DDAH1: variants seen among roughly 807,000 people sequenced by gnomAD.
DDAH1 encodes the protein dimethylarginine dimethylaminohydrolase 1.
Under a neutral mutation model 28.8 loss-of-function variants are expected in DDAH1, and 19 were observed. The ratio of observed to expected loss-of-function variants is 0.66; its 90% confidence interval spans 0.46 to 0.97. The LOEUF (loss-of-function observed/expected upper bound fraction) is 0.97. DDAH1 is among the 50% of genes least tolerant of loss of function. The pLI, the probability that DDAH1 is intolerant of heterozygous loss-of-function variation, is 0.00. For synonymous variants in DDAH1, 153 were observed against 154.4 expected (o/e 0.99, Z 0.07); for missense variants, 326 against 375.9 (o/e 0.87, Z 1.10).
At chr1:85,516,884 T>C (rs1409780589) in intron 1 of DDAH1, among the ~76,000 whole-genome samples, 1 of 152,198 alleles carries the variant, frequency 6.6e-6, no homozygotes, top group Non-Finnish European at 1.5e-5. Flanking sequence ...GGTTAAAAAA[T>C]GTTCCTGGAA....
intron 1 of DDAH1, among the ~76,000 whole-genome samples, chr1:85,430,805 G>C (rs1653647270): frequency 6.6e-6 from 1 of 152,056 alleles, no homozygotes; most frequent in Non-Finnish European, 1.5e-5. Flanking sequence ...AGATGATGGG[G>C]TTTTCTAAAT....
chr1:85,454,958 G>A (rs74925591), intron 1 of DDAH1, among the ~76,000 whole-genome samples: 3,185 of 152,250 alleles, frequency 0.021, 79 homozygotes, highest in East Asian at 0.12. Flanking sequence ...ATAACCTTTC[G>A]ACTAGGGCCC....
chr1:85,401,370 G>T (rs961266309), intron 1 of DDAH1, among the ~76,000 whole-genome samples: 1 of 152,078 alleles, frequency 6.6e-6, no homozygotes, highest in Non-Finnish European at 1.5e-5. Flanking sequence ...ATCAGATAAA[G>T]ATAGGCTAAA....
chr1:85,558,231 G>A (rs557781389), intron 1 of DDAH1, among the ~76,000 whole-genome samples: 5 of 152,224 alleles, frequency 3.3e-5, no homozygotes, highest in African/African-American at 9.6e-5. Flanking sequence ...GCCTGATGGC[G>A]GGCACCTGTA....
intron 1 of DDAH1, among the ~76,000 whole-genome samples, chr1:85,403,346 A>T (rs1286447238): frequency 6.6e-6 from 1 of 152,122 alleles, no homozygotes; most frequent in African/African-American, 2.4e-5. Context: ...AGAAAAAAAA[A>T]TCTGAAAAGA....
chr1:85,340,582 T>G (rs1648411798), intron 4 of DDAH1, among the ~76,000 whole-genome samples: 1 of 152,166 alleles, frequency 6.6e-6, no homozygotes, highest in East Asian at 1.9e-4. Context: ...TGCACTGCCC[T>G]TTCCACTTTC....
intron 1 of DDAH1, among the ~76,000 whole-genome samples, chr1:85,505,142 T>C (rs930505632): frequency 5.9e-5 from 9 of 151,828 alleles, no homozygotes; most frequent in Non-Finnish European, 1.3e-4. Flanking sequence ...CACACCACCA[T>C]GCCCGGCTGA....
chr1:85,475,712 G>A (rs749859330), intron 2 of DDAH1, among the ~76,000 whole-genome samples: 135 of 152,268 alleles, frequency 8.9e-4, no homozygotes, highest in Non-Finnish European at 1.5e-3. Flanking sequence ...ATCGGGACCT[G>A]CATCATGCAA....
chr1:85,332,125 T>G (rs1307541352), intron 4 of DDAH1, among the ~76,000 whole-genome samples: 1 of 152,190 alleles, frequency 6.6e-6, no homozygotes, highest in Non-Finnish European at 1.5e-5. Context: ...TCGGGTCCCA[T>G]GTACCCACTT....
At chr1:85,385,679 CACTT>C (rs769260205) in intron 1 of DDAH1, among the ~76,000 whole-genome samples, 23 of 152,266 alleles carry the variant, frequency 1.5e-4, no homozygotes, top group Non-Finnish European at 3.2e-4. Flanking sequence ...TAGGATCTAC[CACTT>C]ACTTACTAGT....
intron 1 of DDAH1, among the ~76,000 whole-genome samples, chr1:85,376,010 C>A (rs1349531476): frequency 6.6e-6 from 1 of 152,134 alleles, no homozygotes; most frequent in Non-Finnish European, 1.5e-5. Flanking sequence ...GACAATACTG[C>A]TATTCATAGG....
chr1:85,548,087 G>A (rs1339735288), intron 1 of DDAH1, among the ~76,000 whole-genome samples: 1 of 152,128 alleles, frequency 6.6e-6, no homozygotes, highest in East Asian at 1.9e-4. Flanking sequence ...ACACTTATAT[G>A]CAATACCTTT....
At chr1:85,383,168 C>A (rs1408320715) in intron 1 of DDAH1, among the ~76,000 whole-genome samples, 2 of 152,154 alleles carry the variant, frequency 1.3e-5, no homozygotes, top group Non-Finnish European at 2.9e-5. Flanking sequence ...AGTGGGAAAC[C>A]TTTTGGAAAG....
intron 1 of DDAH1, among the ~76,000 whole-genome samples, chr1:85,366,781 G>A (rs1345777067): frequency 6.6e-6 from 1 of 152,142 alleles, no homozygotes; most frequent in African/African-American, 2.4e-5. Flanking sequence ...ATCCTCAGAG[G>A]CAAACAGAAG....
At chr1:85,547,460 GT>G (rs995817981) in intron 1 of DDAH1, among the ~76,000 whole-genome samples, 1 of 152,144 alleles carries the variant, frequency 6.6e-6, no homozygotes, top group Non-Finnish European at 1.5e-5. Context: ...CTTATTCAGT[GT>G]TTTTGCACTA....
At chr1:85,382,533 TACAGCTAACAC>T (rs1464139544) in intron 1 of DDAH1, among the ~76,000 whole-genome samples, 1 of 152,226 alleles carries the variant, frequency 6.6e-6, no homozygotes, top group Middle Eastern at 3.2e-3. Context: ...GAAGATCTAT[TACAGCTAACAC>T]ACAGCATTGT....
intron 1 of DDAH1, among the ~76,000 whole-genome samples, chr1:85,423,275 T>G (rs1408854994): frequency 2.0e-5 from 3 of 152,224 alleles, no homozygotes; most frequent in Admixed American, 6.6e-5. Context: ...ATATATGCTT[T>G]AGAATCAGTT....
At chr1:85,523,389 G>T (rs1337170607) in intron 1 of DDAH1, among the ~76,000 whole-genome samples, 1 of 152,050 alleles carries the variant, frequency 6.6e-6, no homozygotes, top group Non-Finnish European at 1.5e-5. Context: ...CTACAATACA[G>T]AGAACAGTTG....
chr1:85,529,250 T>G (rs1418560640), intron 1 of DDAH1, among the ~76,000 whole-genome samples: 1 of 152,214 alleles, frequency 6.6e-6, no homozygotes, highest in Non-Finnish European at 1.5e-5. Context: ...ACTGATGGAC[T>G]GGTCAGAACC....
Sources: gnomAD v4.1 joint callset for allele counts (sites outside exome capture counted in the v4.1 genomes callset) on GRCh38, gnomAD v4.1.1 for gene constraint, MANE v1.5 for transcripts, NCBI Gene and HGNC (gene_info 2026-07-23, HGNC 2026-07-21) for gene names.